The following OS9 variants were observed in gnomAD, a reference collection of about 807,000 sequenced individuals.
OS9 encodes the protein protein OS-9.
Under a neutral mutation model 84.7 loss-of-function variants are expected in OS9, and 58 were observed. The ratio of observed to expected loss-of-function variants is 0.68; its 90% CI spans 0.55 to 0.85. The LOEUF (loss-of-function observed/expected upper bound fraction) is 0.85, where lower values mean the gene tolerates loss of function less well. Among genes scored for constraint, OS9 ranks in the 40% least tolerant of loss-of-function variants. The probability of loss-of-function intolerance (pLI) is 0.00; values close to 1 mark genes in which losing one functional copy is unlikely to be tolerated. For missense variants in OS9, 760 were observed against 850.9 expected (o/e 0.89, Z 1.33); for synonymous variants, 278 against 320.8 (o/e 0.87, Z 1.43).
chr12:57,712,610 G>C (rs1320925351), intron 5 of OS9, among the ~76,000 whole-genome samples: 1 of 151,932 alleles, frequency 6.6e-6, no homozygotes, highest in Non-Finnish European at 1.5e-5. Flanking sequence ...TCCTATATAT[G>C]TTTCATACTT....
chr12:57,708,466 T>C (rs1738838494), intron 5 of OS9, among the ~76,000 whole-genome samples: 1 of 151,616 alleles, frequency 6.6e-6, no homozygotes, highest in Non-Finnish European at 1.5e-5. Context: ...ATCCCATCTC[T>C]ACAAAAAAAT....
intron 5 of OS9, among the ~76,000 whole-genome samples, chr12:57,700,171 A>T (rs1301648548): frequency 1.4e-5 from 2 of 147,900 alleles, no homozygotes; most frequent in Non-Finnish European, 3.0e-5. Flanking sequence ...AAGGGAGATA[A>T]AAGGTAAGCA....
intron 3 of OS9, 53 bp from the exon 4 acceptor site, chr12:57,695,907 TCC>T: frequency 1.4e-6 from 2 of 1,400,804 alleles, no homozygotes; most frequent in African/African-American, 1.4e-5. Flanking sequence ...CCCAGTTCCC[TCC>T]TCCTCCTCCT....
intron 5 of OS9, among the ~76,000 whole-genome samples, chr12:57,699,084 G>A (rs1004578748): frequency 2.0e-5 from 3 of 152,212 alleles, no homozygotes; most frequent in African/African-American, 7.2e-5. Flanking sequence ...GTAAGAAGGA[G>A]TCAAGAATGA....
chr12:57,696,127 T>G, intron 4 of OS9, 89 bp downstream of exon 4: 1 of 1,255,040 alleles, frequency 8.0e-7, no homozygotes, highest in South Asian at 1.2e-5. Flanking sequence ...TTAGCTGATC[T>G]GTTTCTTGGG....
At chr12:57,709,701 A>G (rs1026293495) in intron 5 of OS9, among the ~76,000 whole-genome samples, 2 of 152,160 alleles carry the variant, frequency 1.3e-5, no homozygotes, top group African/African-American at 4.8e-5. Context: ...GGATTTGGCA[A>G]TTTTGTTAAT....
At chr12:57,713,858 C>T (rs1041767140) in intron 5 of OS9, among the ~76,000 whole-genome samples, 2 of 151,986 alleles carry the variant, frequency 1.3e-5, no homozygotes, top group Admixed American at 6.6e-5. Context: ...GGCATGGTGG[C>T]TCACACCTGT....
At chr12:57,714,302 G>A (rs886810582) in intron 5 of OS9, among the ~76,000 whole-genome samples, 6 of 152,106 alleles carry the variant, frequency 3.9e-5, no homozygotes, top group South Asian at 2.1e-4. Context: ...GGCCTCCCAG[G>A]TTCAAGCAAT....
intron 5 of OS9, among the ~76,000 whole-genome samples, chr12:57,704,193 G>A (rs1230233239): frequency 6.6e-6 from 1 of 152,130 alleles, no homozygotes; most frequent in East Asian, 1.9e-4. Flanking sequence ...ATATGCTGCT[G>A]AATTTGGTTT....
At position 57,694,134 on chromosome 12, in the gene OS9, A is replaced by G. The variant is rs1490594670; in HGVS notation, c.-28A>G. ...GCTGCCTGGCTTAGGGCGGAAACAG[A>G]TTCTCTGCATAAGAAGGGGAACGAA... On this transcript the variant is annotated 5_prime_UTR_variant, in exon 1 of 15. Coordinates refer to ENST00000315970, the MANE Select transcript of OS9 (RefSeq NM_006812.4). The G allele has an allele frequency of 6.2e-7, 1 of 1,613,748 alleles. No homozygotes were observed. The highest frequency in any genetic ancestry group is 2.2e-5 in the East Asian group (1 of 44,874).
At chr12:57,700,535 C>T (rs1246223787) in intron 5 of OS9, among the ~76,000 whole-genome samples, 1 of 152,138 alleles carries the variant, frequency 6.6e-6, no homozygotes, top group Non-Finnish European at 1.5e-5. Context: ...GCCCCTACTC[C>T]AGGGCAGGCA....
intron 1 of OS9, 25 bp downstream of exon 1, chr12:57,694,348 G>A (rs1383006742): frequency 1.9e-6 from 3 of 1,613,176 alleles, no homozygotes; most frequent in East Asian, 2.2e-5. Context: ...AGGGGCGAGG[G>A]TCTGGGCAGA....
At chr12:57,699,433 G>T (rs1030146877) in intron 5 of OS9, among the ~76,000 whole-genome samples, 2 of 152,290 alleles carry the variant, frequency 1.3e-5, no homozygotes, top group East Asian at 3.9e-4. Context: ...AAGAGCATGG[G>T]AAGAAGAGGG....
chr12:57,720,047 C>T, intron 12 of OS9, 52 bp from the exon 13 acceptor site: 4 of 1,570,610 alleles, frequency 2.5e-6, no homozygotes, highest in Non-Finnish European at 3.5e-6. Context: ...ACACCCCTAA[C>T]CCTGGAGTCA....
intron 5 of OS9, among the ~76,000 whole-genome samples, chr12:57,708,870 C>T (rs1016242207): frequency 5.3e-5 from 8 of 152,174 alleles, no homozygotes; most frequent in Non-Finnish European, 7.3e-5. Flanking sequence ...AATTTTGCTA[C>T]GTGCTGCGAA....
Position 57,694,388 on chromosome 12 carries a change from A to G in OS9, c.162+65A>G, listed in dbSNP as rs543131243. 180 of 1,547,930 alleles carry G rather than the reference A, an allele frequency of 1.2e-4. No individual in the cohort carries two copies. In the African/African-American group the frequency reaches 2.2e-3, roughly 19 times the overall value. On this transcript the variant is annotated intron_variant, in intron 1 of 14. Transcript: ENST00000315970. Reference sequence around the variant, plus strand: ...GAAGCGGGTAAGAGATAGAGGAAGAAGGGCAGCTCCGGAGTCTGGGGCTGG... The same window carrying G: ...GAAGCGGGTAAGAGATAGAGGAAGAGGGGCAGCTCCGGAGTCTGGGGCTGG...
intron 5 of OS9, among the ~76,000 whole-genome samples, chr12:57,700,941 T>C (rs1179604834): frequency 6.6e-6 from 1 of 152,200 alleles, no homozygotes; most frequent in South Asian, 2.1e-4. Context: ...AAAAATGTCA[T>C]AGAGACCCAT....
intron 2 of OS9, chr12:57,695,480 AG>A: frequency 6.8e-6 from 4 of 590,806 alleles, no homozygotes; most frequent in Non-Finnish European, 1.2e-5. Flanking sequence ...TAATTGCTTC[AG>A]GGATACCATA....
intron 2 of OS9, chr12:57,695,428 C>G: frequency 2.1e-6 from 1 of 473,124 alleles, no homozygotes; most frequent in Admixed American, 3.0e-5. Context: ...TCAAGAAGTT[C>G]AATTAATATT....
Sources: allele counts gnomAD v4.1 joint callset (sites outside exome capture counted in the v4.1 genomes callset), GRCh38; gene constraint gnomAD v4.1.1; transcripts MANE v1.5; gene names NCBI Gene and HGNC (gene_info 2026-07-23, HGNC 2026-07-21).